The following RBPJ variants were observed in gnomAD, a reference collection of about 807,000 sequenced individuals.
The protein encoded by RBPJ is recombination signal binding protein for immunoglobulin kappa J region, also known as recombining binding protein suppressor of hairless.
RBPJ carries 9 observed loss-of-function variants against 67.8 expected under a neutral mutation model. The observed-to-expected ratio is 0.13, with a 90% CI of 0.08 to 0.23. The LOEUF (loss-of-function observed/expected upper bound fraction) is 0.23, where lower values mean the gene tolerates loss of function less well. Ranked by LOEUF, RBPJ falls within the 10% of genes least tolerant of loss-of-function variation. The pLI, the probability that RBPJ is intolerant of heterozygous loss-of-function variation, is 1.00. For missense variants in RBPJ, 305 were observed against 595.6 expected (o/e 0.51, Z 5.08); for synonymous variants, 198 against 203.3 (o/e 0.97, Z 0.22).
At chr4:26,242,834 T>G (rs1188217721) in intron 1 of RBPJ, among the ~76,000 whole-genome samples, 8 of 152,172 alleles carry the variant, frequency 5.3e-5, no homozygotes. Context: ...TTCTGTGTGA[T>G]TAAATAGAAA....
At chr4:26,240,104 C>A (rs1450105648) in intron 1 of RBPJ, among the ~76,000 whole-genome samples, 1 of 152,162 alleles carries the variant, frequency 6.6e-6, no homozygotes, top group African/African-American at 2.4e-5. Flanking sequence ...CCAGATTTCA[C>A]AAATAATACA....
intron 1 of RBPJ, among the ~76,000 whole-genome samples, chr4:26,338,216 C>T (rs1433863715): frequency 2.2e-5 from 3 of 135,194 alleles, no homozygotes; most frequent in African/African-American, 5.7e-5. Context: ...AGTGCAGTGG[C>T]GCAATCTCGG....
chr4:26,191,963 C>T (rs1200666806), intron 1 of RBPJ, among the ~76,000 whole-genome samples: 1 of 152,110 alleles, frequency 6.6e-6, no homozygotes, highest in East Asian at 1.9e-4. Context: ...TAAACTCTTC[C>T]ACAAACCACT....
intron 1 of RBPJ, among the ~76,000 whole-genome samples, chr4:26,313,713 G>A (rs945127341): frequency 1.3e-5 from 2 of 151,914 alleles, no homozygotes; most frequent in African/African-American, 4.8e-5. Flanking sequence ...GCATGTACCT[G>A]TAATCCCAGC....
intron 4 of RBPJ, among the ~76,000 whole-genome samples, chr4:26,420,053 ATAAG>A (rs1734973135): frequency 6.6e-6 from 1 of 152,136 alleles, no homozygotes; most frequent in African/African-American, 2.4e-5. Context: ...CCTCAATCTT[ATAAG>A]TGATTACTCT....
At chr4:26,387,795 A>G (rs1044607150) in intron 2 of RBPJ, among the ~76,000 whole-genome samples, 8 of 152,218 alleles carry the variant, frequency 5.3e-5, no homozygotes, top group Non-Finnish European at 8.8e-5. Flanking sequence ...ACTTAGGGCT[A>G]TGAATTGTGC....
At chr4:26,168,178 T>C (rs577729159) in intron 1 of RBPJ, among the ~76,000 whole-genome samples, 156 of 152,304 alleles carry the variant, frequency 1.0e-3, no homozygotes, top group South Asian at 2.9e-3. Flanking sequence ...CGATGGTCTT[T>C]ACATTTTGGC....
At chr4:26,340,720 G>A (rs559292830) in intron 1 of RBPJ, among the ~76,000 whole-genome samples, 87 of 152,030 alleles carry the variant, frequency 5.7e-4, no homozygotes, top group African/African-American at 1.8e-3. Flanking sequence ...TTAGCTGGGC[G>A]TGGTGGCGGG....
chr4:26,235,127 A>G (rs1719414898), intron 1 of RBPJ, among the ~76,000 whole-genome samples: 1 of 152,132 alleles, frequency 6.6e-6, no homozygotes, highest in Non-Finnish European at 1.5e-5. Flanking sequence ...TAAGTGTTCA[A>G]AAAAAAACCT....
chr4:26,105,597 C>T, the RBPJ span, among the ~76,000 whole-genome samples: 43 of 152,122 alleles, frequency 2.8e-4, no homozygotes, highest in African/African-American at 5.3e-4. Context: ...TCCAGTATTT[C>T]CTGTTTCCAG....
intron 2 of RBPJ, among the ~76,000 whole-genome samples, chr4:26,404,943 T>C (rs1733240772): frequency 6.6e-6 from 1 of 152,216 alleles, no homozygotes; most frequent in African/African-American, 2.4e-5. Flanking sequence ...ATTGGTGCTT[T>C]TTGTACATAT....
chr4:26,315,167 A>AAAAAACATAT (rs1325689348), upstream of RBPJ, among the ~76,000 whole-genome samples: 1 of 74,774 alleles, frequency 1.3e-5, no homozygotes, highest in Non-Finnish European at 2.3e-5. Flanking sequence ...AAAAAAAAAA[A>AAAAAACATAT]ATATATATAT....
At chr4:26,175,945 G>A (rs1716780830) in intron 1 of RBPJ, among the ~76,000 whole-genome samples, 1 of 152,188 alleles carries the variant, frequency 6.6e-6, no homozygotes, top group African/African-American at 2.4e-5. Flanking sequence ...TCCACCCTAA[G>A]AGGGAAAGGT....
intron 1 of RBPJ, among the ~76,000 whole-genome samples, chr4:26,328,705 T>A (rs1723911251): frequency 6.6e-6 from 1 of 152,200 alleles, no homozygotes; most frequent in African/African-American, 2.4e-5. Context: ...CGTACTTCAC[T>A]GCAGCCTCAA....
intron 1 of RBPJ, among the ~76,000 whole-genome samples, chr4:26,265,267 G>A (rs1720666519): frequency 6.6e-6 from 1 of 152,180 alleles, no homozygotes; most frequent in Admixed American, 6.6e-5. Flanking sequence ...GGTGGCTCAT[G>A]CCTACAATCC....
chr4:26,184,553 T>C (rs1393271143), intron 1 of RBPJ, among the ~76,000 whole-genome samples: 1 of 152,052 alleles, frequency 6.6e-6, no homozygotes, highest in Non-Finnish European at 1.5e-5. Context: ...TTGCTCAAAC[T>C]GGATTCTACA....
At chr4:26,230,102 A>G (rs1341481845) in intron 1 of RBPJ, among the ~76,000 whole-genome samples, 1 of 151,930 alleles carries the variant, frequency 6.6e-6, no homozygotes, top group African/African-American at 2.4e-5. Flanking sequence ...AGGTGGGAGG[A>G]TCAAGGGAGC....
At chr4:26,362,994 G>T (rs970978142) in intron 1 of RBPJ, among the ~76,000 whole-genome samples, 1 of 152,162 alleles carries the variant, frequency 6.6e-6, no homozygotes, top group African/African-American at 2.4e-5. Context: ...TTTTATGGTA[G>T]CCTGTACAGG....
the RBPJ span, among the ~76,000 whole-genome samples, chr4:26,120,046 T>C: frequency 6.6e-6 from 1 of 152,122 alleles, no homozygotes; most frequent in East Asian, 1.9e-4. Flanking sequence ...AACTAGAATT[T>C]GAAAGATGCT....
Sources: allele counts gnomAD v4.1 joint callset (sites outside exome capture counted in the v4.1 genomes callset), GRCh38; gene constraint gnomAD v4.1.1; transcripts MANE v1.5; gene names NCBI Gene and HGNC (gene_info 2026-07-23, HGNC 2026-07-21).